SELENOI: variants seen among roughly 807,000 people sequenced by gnomAD.
The protein encoded by SELENOI is selenoprotein I, also known as ethanolaminephosphotransferase 1.
A neutral mutation model predicts 50.7 loss-of-function variants in SELENOI; 24 were observed. The ratio of observed to expected loss-of-function variants is 0.47; its 90% CI spans 0.34 to 0.67. SELENOI has a LOEUF of 0.67. Among genes scored for constraint, SELENOI ranks in the 30% least tolerant of loss-of-function variants. The pLI is 0.01. For missense variants in SELENOI, 352 were observed against 461.4 expected (o/e 0.76, Z 2.17); for synonymous variants, 155 against 170.2 (o/e 0.91, Z 0.70).
intron 4 of SELENOI, among the ~76,000 whole-genome samples, chr2:26,370,470 G>A (rs200507201): frequency 0.23 from 33,110 of 141,018 alleles, 2,411 homozygotes; most frequent in Non-Finnish European, 0.3. Flanking sequence ...CGGACGGGGC[G>A]GCTGGCTGGG....
At chr2:26,370,361 A>T (rs1324086593) in intron 4 of SELENOI, among the ~76,000 whole-genome samples, 2 of 151,532 alleles carry the variant, frequency 1.3e-5, no homozygotes, top group African/African-American at 4.9e-5. Flanking sequence ...CCCGTTCTCA[A>T]TGAGCTGTTG....
chr2:26,367,172 T>G lies in SELENOI; in HGVS notation c.262T>G (p.Trp88Gly), dbSNP rs768569366. ...ACCAGGTCACAAGCACGTGCCTGAC[T>G]GGGTTTGGATTGTAGTGGGCATCCT... The part of the protein sequence containing the change: ...SAPGHKHVPD[W>G]VWIVVGILNF... The change falls in exon 4 of 10, where the codon TGG becomes GGG. Residue 88 changes from tryptophan to glycine, a missense_variant. By Grantham distance (184) the Trp-to-Gly change is radical. Coordinates refer to ENST00000260585, the MANE Select transcript of SELENOI (RefSeq NM_033505.4). The G allele has an allele frequency of 1.2e-5, 20 of 1,611,046 alleles. No homozygotes were observed. Among genetic ancestry groups the G allele is most frequent in the Non-Finnish European group, 1.6e-5 (19 of 1,178,688 alleles).
At position 26,347,834 on chromosome 2, in the gene SELENOI, A is replaced by G. The variant is rs142587769; in HGVS notation, c.57+1545A>G. ...TCCCTAGATTTATATTTTCAACTAA[A>G]TAAGTGTCTTAATTTACTAGAAGTT... On this transcript the variant is annotated intron_variant, in intron 1 of 9. Transcript: ENST00000260585. Among the ~76,000 whole-genome samples the G allele has an allele frequency of 2.7e-4, 41 of 152,316 alleles. 1 individual carries two copies. Among genetic ancestry groups the G allele is most frequent in the Non-Finnish European group, 5.1e-4 (35 of 68,028 alleles).
At chr2:26,356,479 A>G (rs139063084) in intron 1 of SELENOI, among the ~76,000 whole-genome samples, 47 of 152,358 alleles carry the variant, frequency 3.1e-4, no homozygotes, top group South Asian at 6.2e-4. Context: ...TTTAGGTCCA[A>G]GAAGGTGTTT....
In SELENOI at chr2:26,346,397, G is replaced by C. The variant is rs545080287; in HGVS notation, c.57+108G>C. 136 of 1,332,846 alleles carry C rather than the reference G, an allele frequency of 1.0e-4. No individual in the cohort carries two copies. The African/African-American group carries it at 1.9e-3, about 19-fold the overall frequency. 82.6% of individuals were successfully genotyped at this position (1,332,846 alleles called of 1,614,324 possible). On this transcript the variant is annotated intron_variant, in intron 1 of 9. Transcript: ENST00000260585. ...CACCTTGTGCCGCGTGGCTCCGGGC[G>C]GGCTGGCGGGCGTTCCTCCGGAGGT... is the stretch of plus-strand genomic sequence containing the variant.
chr2:26,362,616 C>T (rs115884570), intron 1 of SELENOI, among the ~76,000 whole-genome samples: 2,514 of 151,962 alleles, frequency 0.017, 30 homozygotes, highest in Non-Finnish European at 0.027. Context: ...CAAAAACTAG[C>T]CAGGTGGTGC....
chr2:26,367,349 T>C (rs751414506), intron 4 of SELENOI, 129 bp downstream of exon 4: 5 of 642,756 alleles, frequency 7.8e-6, no homozygotes, highest in Non-Finnish European at 1.2e-5. Context: ...CCTGTTCAAA[T>C]TGATAAATAT....
chr2:26,350,669 G>T (rs1453112542), intron 1 of SELENOI, among the ~76,000 whole-genome samples: 1 of 152,212 alleles, frequency 6.6e-6, no homozygotes, highest in Non-Finnish European at 1.5e-5. Flanking sequence ...TAAATGAACA[G>T]TTATAAAAAG....
chr2:26,378,349 C>A (rs1370662169), intron 6 of SELENOI, among the ~76,000 whole-genome samples: 1 of 152,186 alleles, frequency 6.6e-6, no homozygotes, highest in Admixed American at 6.5e-5. Flanking sequence ...CCAAGAACAC[C>A]TCTGTCTTTC....
intron 4 of SELENOI, 83 bp downstream of exon 4, chr2:26,367,303 T>C: frequency 9.5e-7 from 1 of 1,048,878 alleles, no homozygotes. Flanking sequence ...CATTTTCTCC[T>C]GTGCTTAATT....
chr2:26,395,686 C>G lies in SELENOI; in HGVS notation c.*6583C>G, dbSNP rs182208994. 1 of 152,718 alleles carries G rather than the reference C, an allele frequency of 6.5e-6. No homozygotes were observed. The highest frequency in any genetic ancestry group is 1.9e-4 in the East Asian group (1 of 5,180). The allele number at this position is 152,718 out of a possible 1,614,324, so 9.5% of individuals were successfully genotyped here. On this transcript the variant is annotated 3_prime_UTR_variant, in exon 10 of 10. Coordinates refer to ENST00000260585, the MANE Select transcript of SELENOI (RefSeq NM_033505.4). ...TTATCTGTATCAGTGTTTCCCATTGCTAGCCCGAATAATCAAGACCAGACT... is the reference window on the plus strand; with the variant it reads ...TTATCTGTATCAGTGTTTCCCATTGGTAGCCCGAATAATCAAGACCAGACT...
intron 6 of SELENOI, among the ~76,000 whole-genome samples, chr2:26,380,970 C>G (rs1677680991): frequency 6.6e-6 from 1 of 151,400 alleles, no homozygotes. Context: ...GGGTTGTTGG[C>G]CATTTCCTTT....
At position 26,364,885 on chromosome 2, in the gene SELENOI, G is replaced by T. The variant is rs367808485; in HGVS notation, c.180G>T (p.Leu60=). 158 of 1,610,612 alleles carry T rather than the reference G, an allele frequency of 9.8e-5. 4 individuals are homozygous for T. Among genetic ancestry groups the T allele is most frequent in the East Asian group, 9.2e-4 (41 of 44,586 alleles). Residue 60 remains leucine (L), a synonymous_variant, in exon 3 of 10, where the codon CTG becomes CTT. Coordinates refer to ENST00000260585, the MANE Select transcript of SELENOI (RefSeq NM_033505.4). ...TGATAACTTTTTCTGGCTTTCTGCTGGTCGTATTCAATTTTCTGCTAATGG... is the reference window on the plus strand; with the variant it reads ...TGATAACTTTTTCTGGCTTTCTGCTTGTCGTATTCAATTTTCTGCTAATGG... ...PNLITFSGFL[L]VVFNFLLMAY...
intron 1 of SELENOI, among the ~76,000 whole-genome samples, chr2:26,351,051 G>GT (rs201345011): frequency 0.014 from 1,398 of 101,606 alleles, 18 homozygotes; most frequent in African/African-American, 0.056. Context: ...TTCACTGTTT[G>GT]TTTGTTTTTT....
rs369178483 is a variant in SELENOI, at chr2:26,372,931, C to T, written c.311-436C>T. On this transcript the variant is annotated intron_variant, in intron 4 of 9. Coordinates refer to ENST00000260585, the MANE Select transcript of SELENOI (RefSeq NM_033505.4). ...AGAGGCAGGATCTCGCTCTGTTGCC[C>T]AGACTGGAATGCAGTGGCATGATCA... 3.3e-5 allele frequency among the ~76,000 whole-genome samples: 5 copies of T among 152,206 alleles called. No homozygotes were observed. The South Asian group carries it at 1.0e-3, about 32-fold the overall frequency.
At chr2:26,364,174 T>G in intron 1 of SELENOI, 128 bp from the exon 2 acceptor site, 2 of 656,936 alleles carry the variant, frequency 3.0e-6, no homozygotes. Context: ...GCCTCAGCCT[T>G]TTGAGTAGCT....
Position 26,390,820 on chromosome 2 carries a change from AC to A in SELENOI, c.*1718del, listed in dbSNP as rs1429991381. The A allele has an allele frequency of 2.6e-5, 4 of 152,214 alleles. No individual in the cohort carries two copies. Among genetic ancestry groups the A allele is most frequent in the Non-Finnish European group, 4.4e-5 (3 of 68,030 alleles). 9.4% of individuals were successfully genotyped at this position (152,214 alleles called of 1,614,324 possible). A position where few individuals can be genotyped will look rare whatever the true frequency, so the allele number is the denominator to read the frequency against. ...AGAATTAACCAATTAAGTGACGGTAACTATTTTTTGTATACCTTGTTCTTTG... is the reference window on the plus strand; with the variant it reads ...AGAATTAACCAATTAAGTGACGGTAATATTTTTTGTATACCTTGTTCTTTG... On this transcript the variant is annotated 3_prime_UTR_variant, in exon 10 of 10. Coordinates refer to ENST00000260585, the MANE Select transcript of SELENOI (RefSeq NM_033505.4).
intron 1 of SELENOI, among the ~76,000 whole-genome samples, chr2:26,352,875 A>G (rs1401179954): frequency 6.7e-6 from 1 of 149,724 alleles, no homozygotes; most frequent in Non-Finnish European, 1.5e-5. Context: ...ATATTGGACT[A>G]TACTGGCCCT....
intron 9 of SELENOI, 68 bp from the exon 10 acceptor site, chr2:26,388,937 A>G: frequency 8.0e-7 from 1 of 1,246,994 alleles, no homozygotes; most frequent in South Asian, 1.3e-5. Context: ...TAGGGGGTAA[A>G]TTCTGTGTGC....
Sources: allele counts gnomAD v4.1 joint callset (sites outside exome capture counted in the v4.1 genomes callset), GRCh38; gene constraint gnomAD v4.1.1; transcripts MANE v1.5; gene names NCBI Gene and HGNC (gene_info 2026-07-23, HGNC 2026-07-21).